Variants in CMTR1 observed in about 807,000 individuals in gnomAD.
The protein encoded by CMTR1 is cap methyltransferase 1, also known as cap-specific mRNA (nucleoside-2'-O-)-methyltransferase 1.
In CMTR1, 39 loss-of-function variants were observed where a neutral mutation model predicts 107.0. That is an observed-to-expected ratio of 0.36 (90% confidence interval 0.28 to 0.48). The LOEUF (loss-of-function observed/expected upper bound fraction) is 0.48, where lower values mean the gene tolerates loss of function less well. Among genes scored for constraint, CMTR1 ranks in the 20% least tolerant of loss-of-function variants. The probability of loss-of-function intolerance (pLI) is 0.99; values close to 1 mark genes in which losing one functional copy is unlikely to be tolerated. For missense variants in CMTR1, 672 were observed against 1,064.9 expected, an observed-to-expected ratio of 0.63 and a Z score of 5.14; for synonymous variants, 366 against 379.5, an observed-to-expected ratio of 0.96 and a Z score of 0.41.
At chr6:37,462,773 G>A in intron 12 of CMTR1, 56 bp from the exon 13 acceptor site, 1 of 1,546,566 alleles carries the variant, frequency 6.5e-7, no homozygotes, top group Non-Finnish European at 8.9e-7. Flanking sequence ...TGGGGGAAAA[G>A]GAATGTATGG....
chr6:37,446,271 C>T lies in CMTR1; in HGVS notation c.286-20C>T. On this transcript the variant is annotated intron_variant, in intron 3 of 23. Coordinates refer to ENST00000373451, the MANE Select transcript of CMTR1 (RefSeq NM_015050.3). ...TCTGTTGAACCTAATTAATTGTGCT[C>T]CACTACTTCTCTTTTTCAGGCCAAG... 1 of 1,613,422 alleles carries T rather than the reference C, an allele frequency of 6.2e-7. No individual in the cohort carries two copies. The highest frequency in any genetic ancestry group is 8.5e-7 in the Non-Finnish European group (1 of 1,179,614).
Position 37,459,556 on chromosome 6 carries a change from A to G in CMTR1, c.977-10A>G, listed in dbSNP as rs1358402310. 1.2e-6 allele frequency: 2 copies of G among 1,611,606 alleles called. No individual in the cohort carries two copies. Among genetic ancestry groups the G allele is most frequent in the Non-Finnish European group, 1.7e-6 (2 of 1,177,690 alleles). Reference sequence around the variant, plus strand: ...CAGATGAACTCACTATGACTCTTGTATTCTGACAGGTGAGGGTGGGATTGA... The same window carrying G: ...CAGATGAACTCACTATGACTCTTGTGTTCTGACAGGTGAGGGTGGGATTGA... On this transcript the variant is annotated splice_polypyrimidine_tract_variant and intron_variant, in intron 9 of 23. Transcript: ENST00000373451.
At chr6:37,477,548 T>TC in intron 20 of CMTR1, 44 bp from the exon 21 acceptor site, 1 of 1,576,982 alleles carries the variant, frequency 6.3e-7, no homozygotes, top group Non-Finnish European at 8.7e-7. Context: ...GATGAGAATG[T>TC]CCCCCAGGAA....
intron 17 of CMTR1, 81 bp from the exon 18 acceptor site, chr6:37,474,443 C>G: frequency 6.4e-7 from 1 of 1,554,622 alleles, no homozygotes; most frequent in South Asian, 1.2e-5. Context: ...TAGCTGCCAA[C>G]TAAAAGCTCT....
chr6:37,461,793 G>A (rs1473143692), intron 11 of CMTR1, 148 bp downstream of exon 11: 15 of 855,426 alleles, frequency 1.8e-5, no homozygotes, highest in Non-Finnish European at 2.2e-5. Context: ...GGGAAGAAAG[G>A]GCTGTGGAAT....
In CMTR1 at chr6:37,458,859, A is replaced by C. The variant is rs941434880; in HGVS notation, c.976+49A>C. ...AGGAGGTATGAGGGACAGCCCCTCTATGGGGACTTCAGGTCAGAAGCAGTT... is the reference window on the plus strand; with the variant it reads ...AGGAGGTATGAGGGACAGCCCCTCTCTGGGGACTTCAGGTCAGAAGCAGTT... On this transcript the variant is annotated intron_variant, in intron 9 of 23. Coordinates refer to ENST00000373451, the MANE Select transcript of CMTR1 (RefSeq NM_015050.3). The surrounding 1 kb of genome is among the most constrained non-coding windows in gnomAD (Gnocchi z 4.7). 21 of 1,558,058 alleles carry C rather than the reference A, an allele frequency of 1.3e-5. No homozygotes were observed. The highest frequency in any genetic ancestry group is 1.9e-5 in the Non-Finnish European group (21 of 1,133,332).
intron 4 of CMTR1, among the ~76,000 whole-genome samples, chr6:37,449,334 A>G (rs1182469719): frequency 9.9e-6 from 1 of 101,390 alleles, no homozygotes; most frequent in African/African-American, 3.6e-5. Context: ...TTCAAGACGG[A>G]GTTTTGTTCT....
At chr6:37,428,388 C>G (rs1276196351), upstream of CMTR1, among the ~76,000 whole-genome samples, 1 of 152,134 alleles carries the variant, frequency 6.6e-6, no homozygotes, top group African/African-American at 2.4e-5. Flanking sequence ...TTGTTGTTAT[C>G]AGGCATTTAT....
At position 37,479,097 on chromosome 6, in the gene CMTR1, A is replaced by AC. The variant is rs751863645; in HGVS notation, c.2267-49dup. 7 of 1,353,616 alleles carry AC rather than the reference A, an allele frequency of 5.2e-6. 1 individual carries two copies. The South Asian group carries it at 8.2e-5, about 16-fold the overall frequency. The allele number at this position is 1,353,616 out of a possible 1,614,324, so 83.9% of individuals were successfully genotyped here. On this transcript the variant is annotated intron_variant, in intron 22 of 23. Transcript: ENST00000373451. ...GGAGGAAGGTACACGCCTGTCCTCC[A>AC]CAAGTGCTTTGTGTCCCTTCTGGGC...
Position 37,439,883 on chromosome 6 carries a change from G to T in CMTR1, c.134-4116G>T, listed in dbSNP as rs966326065. On this transcript the variant is annotated intron_variant, in intron 2 of 23. Coordinates refer to ENST00000373451, the MANE Select transcript of CMTR1 (RefSeq NM_015050.3). ...ACTGGCCATGAACTCTTGAGCTCAG[G>T]TGATCTTCCTACCTCAGCCTCCCAA... Among the ~76,000 whole-genome samples the T allele has an allele frequency of 1.4e-4, 22 of 152,216 alleles. 1 individual carries two copies. In the East Asian group the frequency reaches 4.2e-3, roughly 29 times the overall value.
chr6:37,466,819 C>G (rs1761521510), intron 13 of CMTR1, among the ~76,000 whole-genome samples: 1 of 152,012 alleles, frequency 6.6e-6, no homozygotes, highest in African/African-American at 2.4e-5. Context: ...ATGGGTTTTT[C>G]TATTTCTGCA....
Position 37,480,401 on chromosome 6 carries a change from T to C in CMTR1, c.*256T>C. 7.6e-7 allele frequency: 1 copy of C among 1,310,432 alleles called. No individual in the cohort carries two copies. The allele number at this position is 1,310,432 out of a possible 1,614,324, so 81.2% of individuals were successfully genotyped here. On this transcript the variant is annotated 3_prime_UTR_variant, in exon 24 of 24. Coordinates refer to ENST00000373451, the MANE Select transcript of CMTR1 (RefSeq NM_015050.3). The stretch of plus-strand genomic sequence containing the variant: ...GACTCAGCCTGAAGGAAGCTGCTCC[T>C]GAGGCAGGTATGAGGTCAGTGCCTA...
At chr6:37,438,785 G>A (rs1771596216) in intron 2 of CMTR1, among the ~76,000 whole-genome samples, 1 of 152,176 alleles carries the variant, frequency 6.6e-6, no homozygotes, top group African/African-American at 2.4e-5. Flanking sequence ...TATCACCTAT[G>A]TTCTGTATCT....
At chr6:37,461,795 C>A in intron 11 of CMTR1, 150 bp downstream of exon 11, 2 of 853,412 alleles carry the variant, frequency 2.3e-6, no homozygotes, top group Non-Finnish European at 3.7e-6. Context: ...GAAGAAAGGG[C>A]TGTGGAATCC....
At chr6:37,477,002 A>G (rs1042097613) in intron 20 of CMTR1, among the ~76,000 whole-genome samples, 5 of 152,150 alleles carry the variant, frequency 3.3e-5, no homozygotes, top group African/African-American at 2.4e-5. Context: ...CCCTGCCTTC[A>G]TTGCTTGTGG....
chr6:37,471,436 G>A (rs141292563), intron 14 of CMTR1, among the ~76,000 whole-genome samples: 28 of 152,162 alleles, frequency 1.8e-4, no homozygotes, highest in African/African-American at 6.0e-4. Flanking sequence ...GAGAAACCTC[G>A]GGTAGGGGGT....
chr6:37,451,901 G>C, intron 6 of CMTR1, 24 bp downstream of exon 6: 1 of 1,595,484 alleles, frequency 6.3e-7, no homozygotes, highest in Non-Finnish European at 8.6e-7. Flanking sequence ...GCTAGAACCA[G>C]ATAATGAAAA....
chr6:37,465,155 C>G (rs975551579), intron 13 of CMTR1, among the ~76,000 whole-genome samples: 9 of 151,930 alleles, frequency 5.9e-5, no homozygotes, highest in Admixed American at 3.9e-4. Context: ...GTAATCCCAG[C>G]TACTGGGGAG....
chr6:37,456,402 G>T (rs1445354817), intron 8 of CMTR1, among the ~76,000 whole-genome samples: 1 of 152,222 alleles, frequency 6.6e-6, no homozygotes, highest in Non-Finnish European at 1.5e-5. Context: ...GACCCAGCAT[G>T]CCTGGAGTGG....
Sources: gnomAD v4.1 joint callset for allele counts (sites outside exome capture counted in the v4.1 genomes callset) on GRCh38, gnomAD v4.1.1 for gene constraint, Gnocchi (gnomAD v3.1) non-coding constraint, MANE v1.5 for transcripts, NCBI Gene and HGNC (gene_info 2026-07-23, HGNC 2026-07-21) for gene names.